CAVIN4: variants seen among roughly 807,000 people sequenced by gnomAD.
CAVIN4 encodes the protein caveolae-associated protein 4.
Under a neutral mutation model 18.6 loss-of-function variants are expected in CAVIN4, and 10 were observed. The observed-to-expected ratio is 0.54, with a 90% confidence interval of 0.33 to 0.91. The LOEUF (loss-of-function observed/expected upper bound fraction) is 0.91, where lower values mean the gene tolerates loss of function less well. CAVIN4 is among the 40% of genes least tolerant of loss of function. The pLI is 0.02. For missense variants in CAVIN4, 459 were observed against 440.5 expected, an observed-to-expected ratio of 1.04 and a Z score of -0.38; for synonymous variants, 173 against 164.8, an observed-to-expected ratio of 1.05 and a Z score of -0.38.
In CAVIN4 at chr9:100,578,197, G is replaced by C; in HGVS notation, c.54G>C (p.Leu18=). 1 of 1,614,028 alleles carries C rather than the reference G, an allele frequency of 6.2e-7. No homozygotes were observed. Among genetic ancestry groups the C allele is most frequent in the Non-Finnish European group, 8.5e-7 (1 of 1,179,930 alleles). ...SNADKIHQNR[L]SSVTEDEDQD... The stretch of plus-strand genomic sequence containing the variant: ...CTGATAAAATCCACCAGAATCGCCT[G>C]TCGAGTGTTACAGAAGATGAAGACC... Residue 18 remains leucine, a synonymous_variant, in exon 1 of 2, where the codon CTG becomes CTC. Coordinates refer to ENST00000307584, the MANE Select transcript of CAVIN4 (RefSeq NM_001018116.2).
intron 1 of CAVIN4, among the ~76,000 whole-genome samples, chr9:100,584,482 TG>T (rs1464896242): frequency 1.3e-5 from 2 of 152,238 alleles, no homozygotes; most frequent in Non-Finnish European, 2.9e-5. Flanking sequence ...TGATAGATGC[TG>T]GGCATAAAAC....
intron 1 of CAVIN4, among the ~76,000 whole-genome samples, chr9:100,579,831 C>T (rs1363185230): frequency 2.0e-5 from 3 of 152,084 alleles, no homozygotes; most frequent in African/African-American, 7.2e-5. Context: ...GGATGTGGCC[C>T]ATAACTCCCC....
rs1839384931 is a variant in CAVIN4, at chr9:100,578,091, C to T, written c.-53C>T. On this transcript the variant is annotated 5_prime_UTR_variant, in exon 1 of 2. Transcript: ENST00000307584. ...CTGTTATCAAGCTGACTTTTTGCTC[C>T]AAGTGCCAGAATTGATTGTGGTTAG... 2 of 1,599,136 alleles carry T rather than the reference C, an allele frequency of 1.3e-6. No individual in the cohort carries two copies. Among genetic ancestry groups the T allele is most frequent in the Non-Finnish European group, 1.7e-6 (2 of 1,169,838 alleles).
intron 1 of CAVIN4, among the ~76,000 whole-genome samples, chr9:100,579,487 T>G (rs1839406423): frequency 6.6e-6 from 1 of 152,188 alleles, no homozygotes; most frequent in Non-Finnish European, 1.5e-5. Flanking sequence ...AGAGGTTAAT[T>G]TAAGGATTGG....
rs1839469016 is a variant in CAVIN4 at position 100,585,762 on chromosome 9, CAGG to C, written c.409_411del (p.Glu137del). 1.9e-6 allele frequency: 3 copies of C among 1,612,960 alleles called. No homozygotes were observed. Among genetic ancestry groups the C allele is most frequent in the African/African-American group, 1.3e-5 (1 of 74,886 alleles). On this transcript the variant is annotated splice_acceptor_variant and coding_sequence_variant, in exon 2 of 2. Coordinates refer to ENST00000307584, the MANE Select transcript of CAVIN4 (RefSeq NM_001018116.2). LOFTEE classifies it high-confidence loss of function. ...AATATGCTTTGTTTTTTCTCTCCTT[CAGG>C]AGAAGTTTCGGTGTCCGACATCCCT...
rs757148235 is a variant in CAVIN4, at chr9:100,578,115, A to G, written c.-29A>G. 9.3e-6 allele frequency: 15 copies of G among 1,611,700 alleles called. No homozygotes were observed. In the Admixed American group the frequency reaches 2.3e-4, roughly 25 times the overall value. Reference sequence around the variant, plus strand: ...CCAAGTGCCAGAATTGATTGTGGTTAGGACATCTTACGCTGAGAAATAAAT... The same window carrying G: ...CCAAGTGCCAGAATTGATTGTGGTTGGGACATCTTACGCTGAGAAATAAAT... On this transcript the variant is annotated 5_prime_UTR_variant, in exon 1 of 2. Transcript: ENST00000307584.
At chr9:100,585,077 C>G (rs1318743435) in intron 1 of CAVIN4, among the ~76,000 whole-genome samples, 1 of 152,146 alleles carries the variant, frequency 6.6e-6, no homozygotes, top group Non-Finnish European at 1.5e-5. Context: ...GTGATCAAAG[C>G]TATGCTTTAG....
chr9:100,585,782 G>A lies in CAVIN4; in HGVS notation c.426G>A (p.Pro142=), dbSNP rs373413714. 1.1e-5 allele frequency: 17 copies of A among 1,613,862 alleles called. No homozygotes were observed. Among genetic ancestry groups the A allele is most frequent in the African/African-American group, 6.7e-5 (5 of 74,860 alleles). Residue 142 remains proline (P), a synonymous_variant, in exon 2 of 2, where the codon CCG becomes CCA. Transcript: ENST00000307584. Reference sequence around the variant, plus strand: ...TCCTTCAGGAGAAGTTTCGGTGTCCGACATCCCTGTCTGTTGTTAAAGACA... The same window carrying A: ...TCCTTCAGGAGAAGTTTCGGTGTCCAACATCCCTGTCTGTTGTTAAAGACA... The part of the protein sequence containing the change: ...VVIFQEKFRC[P]TSLSVVKDRN...
In CAVIN4 at chr9:100,586,225, GGGAGAT is replaced by G. The variant is rs775398666; in HGVS notation, c.872_877del (p.Glu291_Met292del). 1 of 1,563,994 alleles carries G rather than the reference GGGAGAT, an allele frequency of 6.4e-7. No individual in the cohort carries two copies. Among genetic ancestry groups the G allele is most frequent in the Non-Finnish European group, 8.6e-7 (1 of 1,156,538 alleles). On this transcript the variant is annotated inframe_deletion, in exon 2 of 2. Transcript: ENST00000307584. ...GTGGCTGAAGGTGAGGAATGTGCCA[GGGAGAT>G]GGGTGTGGACATCATTGCCAGGAGC... is the stretch of plus-strand genomic sequence containing the variant.
At chr9:100,577,211 A>G (rs955918931), upstream of CAVIN4, 2 of 152,670 alleles carry the variant, frequency 1.3e-5, no homozygotes, top group African/African-American at 4.8e-5. Context: ...CAGATCAATG[A>G]AAAGTAGATA....
intron 1 of CAVIN4, among the ~76,000 whole-genome samples, chr9:100,580,552 G>T (rs1839416376): frequency 6.6e-6 from 1 of 152,266 alleles, no homozygotes; most frequent in Admixed American, 6.5e-5. Flanking sequence ...CAAGAGCAAA[G>T]AAGTTTCTGA....
intron 1 of CAVIN4, among the ~76,000 whole-genome samples, chr9:100,579,836 C>T (rs553065376): frequency 8.1e-4 from 123 of 152,280 alleles, no homozygotes; most frequent in African/African-American, 2.8e-3. Context: ...TGGCCCATAA[C>T]TCCCCGTGGC....
intron 1 of CAVIN4, among the ~76,000 whole-genome samples, chr9:100,582,706 T>C (rs1461802645): frequency 6.6e-6 from 1 of 152,214 alleles, no homozygotes; most frequent in Non-Finnish European, 1.5e-5. Flanking sequence ...TCCCCCTGCC[T>C]CACTGGCTGA....
At position 100,578,383 on chromosome 9, in the gene CAVIN4, C is replaced by G; in HGVS notation, c.240C>G (p.Ser80Arg). ...IDLLKLSQSH[S>R]NTGHIINKLF... Reference sequence around the variant, plus strand: ...TGTTGAAGCTTTCACAGTCGCATAGCAATACAGGGCATATCATTAACAAAT... The same window carrying G: ...TGTTGAAGCTTTCACAGTCGCATAGGAATACAGGGCATATCATTAACAAAT... Residue 80 changes from serine to arginine, a missense_variant, in exon 1 of 2, where the codon AGC (serine) becomes AGG (arginine). Ser to Arg is a moderately radical substitution (Grantham distance 110, BLOSUM62 -1). Coordinates refer to ENST00000307584, the MANE Select transcript of CAVIN4 (RefSeq NM_001018116.2). The G allele has an allele frequency of 1.2e-6, 2 of 1,614,008 alleles. No individual in the cohort carries two copies. The highest frequency in any genetic ancestry group is 2.2e-5 in the South Asian group (2 of 91,074).
chr9:100,582,183 T>C (rs891430210), intron 1 of CAVIN4, among the ~76,000 whole-genome samples: 4 of 152,238 alleles, frequency 2.6e-5, no homozygotes, highest in Admixed American at 2.6e-4. Context: ...ATTTTTCAAC[T>C]TTTGTCTGTT....
intron 1 of CAVIN4, among the ~76,000 whole-genome samples, chr9:100,580,315 A>C (rs1839414810): frequency 6.6e-6 from 1 of 152,116 alleles, no homozygotes; most frequent in African/African-American, 2.4e-5. Flanking sequence ...GAAAAATTGA[A>C]AAAAAATCAG....
chr9:100,586,414 A>G lies in CAVIN4; in HGVS notation c.1058A>G (p.Asp353Gly), dbSNP rs1193729079. Residue 353 changes from aspartate to glycine, a missense_variant, in exon 2 of 2, where the codon GAT becomes GGT. Physicochemically the swap from Asp to Gly is moderately conservative, Grantham distance 94. Coordinates refer to ENST00000307584, the MANE Select transcript of CAVIN4 (RefSeq NM_001018116.2). ...TFKSQVKVEDDESLLLDLKHS... is the reference protein window; with the variant it reads ...TFKSQVKVEDGESLLLDLKHS... ...AAATCTCAGGTGAAAGTAGAGGATG[A>G]TGAATCTCTTTTGTTAGATTTAAAG... The G allele has an allele frequency of 6.2e-7, 1 of 1,614,054 alleles. No homozygotes were observed. The highest frequency in any genetic ancestry group is 8.5e-7 in the Non-Finnish European group (1 of 1,180,014).
At chr9:100,580,483 G>A (rs1175658628) in intron 1 of CAVIN4, among the ~76,000 whole-genome samples, 3 of 152,192 alleles carry the variant, frequency 2.0e-5, no homozygotes, top group African/African-American at 4.8e-5. Flanking sequence ...TGGCATTCAC[G>A]ACTGCTGAGA....
rs1213109107 is a variant in CAVIN4 at position 100,587,770 on chromosome 9, G to C, written c.*1319G>C. 1 of 152,172 alleles carries C rather than the reference G, an allele frequency of 6.6e-6. No individual in the cohort carries two copies. Among genetic ancestry groups the C allele is most frequent in the East Asian group, 1.9e-4 (1 of 5,178 alleles). The allele number at this position is 152,172 out of a possible 1,614,324, so 9.4% of individuals were successfully genotyped here. On this transcript the variant is annotated 3_prime_UTR_variant, in exon 2 of 2. Coordinates refer to ENST00000307584, the MANE Select transcript of CAVIN4 (RefSeq NM_001018116.2). ...TAGCTGGGCATGGTGGCATGCGCCT[G>C]TCCCAGCTACTCAGGAGGCTGAGAC... is the stretch of plus-strand genomic sequence containing the variant.
Sources: allele counts gnomAD v4.1 joint callset (sites outside exome capture counted in the v4.1 genomes callset), GRCh38; gene constraint gnomAD v4.1.1; transcripts MANE v1.5; gene names NCBI Gene and HGNC (gene_info 2026-07-23, HGNC 2026-07-21).